SCRIB: variants seen among roughly 807,000 people sequenced by gnomAD.
SCRIB encodes the protein protein scribble homolog.
In SCRIB, 72 loss-of-function variants were observed where a neutral mutation model predicts 170.0. That is an observed-to-expected ratio of 0.42 (90% CI 0.35 to 0.52). SCRIB has a LOEUF of 0.52. Among genes scored for constraint, SCRIB ranks in the 20% least tolerant of loss-of-function variants. The pLI is 0.02. For missense variants in SCRIB, 2,475 were observed against 2,338.5 expected (o/e 1.06, Z -1.20); for synonymous variants, 1,298 against 1,044.3 (o/e 1.24, Z -4.68).
chr8:143,802,931 G>A (rs1317456339), intron 24 of SCRIB, among the ~76,000 whole-genome samples: 4 of 152,228 alleles, frequency 2.6e-5, no homozygotes, highest in Admixed American at 2.6e-4. Context: ...ATGGCCCAGG[G>A]ATGGGCTGAG....
intron 24 of SCRIB, among the ~76,000 whole-genome samples, chr8:143,801,969 A>C (rs373751702): frequency 3.9e-5 from 6 of 152,360 alleles, no homozygotes; most frequent in East Asian, 3.9e-4. Flanking sequence ...CGCCGGCTGC[A>C]GACATGGCAC....
At chr8:143,812,151 G>A (rs1387044081) in intron 9 of SCRIB, 115 bp downstream of exon 9, 9 of 772,840 alleles carry the variant, frequency 1.2e-5, no homozygotes, top group Admixed American at 1.0e-4. Context: ...CTTCCTGAGT[G>A]GCTCCACGTC....
intron 34 of SCRIB, 47 bp downstream of exon 34, chr8:143,791,829 C>CT (rs782275664): frequency 1.3e-6 from 2 of 1,526,320 alleles, no homozygotes; most frequent in South Asian, 2.4e-5. Context: ...CAGACCCCAC[C>CT]CCCATGCCTC....
chr8:143,810,044 C>T (rs1815634683), intron 13 of SCRIB, among the ~76,000 whole-genome samples: 1 of 152,142 alleles, frequency 6.6e-6, no homozygotes, highest in African/African-American at 2.4e-5. Flanking sequence ...CCCACACACC[C>T]TACCCCAGCC....
chr8:143,812,695 C>T, intron 8 of SCRIB, 122 bp downstream of exon 8: 1 of 1,348,068 alleles, frequency 7.4e-7, no homozygotes, highest in Non-Finnish European at 1.0e-6. Flanking sequence ...GGACAGCTCC[C>T]AGAGCCTGGG....
In SCRIB at chr8:143,805,219, C is replaced by G; in HGVS notation, c.2563G>C (p.Gly855Arg). Reference protein sequence around the residue: ...RLPLLPPESPGPLRQRHVACL... With the variant: ...RLPLLPPESPRPLRQRHVACL... The stretch of plus-strand genomic sequence containing the variant: ...GCCACGTGGCGCTGACGGAGGGGCC[C>G]GGGGCTCTCAGGCGGGAGCAGGGGC... Residue 855 changes from glycine (G) to arginine (R), a missense_variant, in exon 19 of 37, where the codon GGG becomes CGG. Coordinates refer to ENST00000356994, the MANE Select transcript of SCRIB (RefSeq NM_182706.5). 2.6e-6 allele frequency: 4 copies of G among 1,557,256 alleles called. No homozygotes were observed. Among genetic ancestry groups the G allele is most frequent in the Non-Finnish European group, 3.5e-6 (4 of 1,156,540 alleles).
intron 24 of SCRIB, among the ~76,000 whole-genome samples, chr8:143,803,120 C>A (rs1046449851): frequency 3.9e-5 from 6 of 152,182 alleles, no homozygotes; most frequent in Admixed American, 2.0e-4. Flanking sequence ...CCCAAACACA[C>A]GCCCCTCCCA....
intron 1 of SCRIB, 145 bp from the exon 2 acceptor site, chr8:143,814,263 A>C: frequency 1.5e-6 from 1 of 648,466 alleles, no homozygotes; most frequent in South Asian, 1.9e-5. Flanking sequence ...TAACCACGAC[A>C]CCCCATTTGC....
At position 143,796,435 on chromosome 8, in the gene SCRIB, G is replaced by C. The variant is rs56986583; in HGVS notation, c.3604-905C>G. 5.4e-3 allele frequency among the ~76,000 whole-genome samples: 818 copies of C among 152,290 alleles called. 6 individuals are homozygous for C. Among genetic ancestry groups the C allele is most frequent in the African/African-American group, 0.019 (785 of 41,564 alleles). On this transcript the variant is annotated intron_variant, in intron 24 of 36. Coordinates refer to ENST00000356994, the MANE Select transcript of SCRIB (RefSeq NM_182706.5). ...GTTGGTTAAAAACACAGCTGAAATGGTAAGTAAGGGGCAGGCAAAGAGATG... is the reference window on the plus strand; with the variant it reads ...GTTGGTTAAAAACACAGCTGAAATGCTAAGTAAGGGGCAGGCAAAGAGATG...
chr8:143,809,666 G>A lies in SCRIB; in HGVS notation c.1583C>T (p.Ala528Val), dbSNP rs746206775. Residue 528 changes from alanine to valine, a missense_variant, in exon 14 of 37, where the codon GCC becomes GTC. Physicochemically the swap from Ala to Val is moderately conservative, Grantham distance 64. Around this residue, in one of 3 missense-constraint regions of SCRIB, gnomAD observed 1,966 missense variants for 1,742.9 expected, o/e 1.13. Coordinates refer to ENST00000356994, the MANE Select transcript of SCRIB (RefSeq NM_182706.5). The part of the protein sequence containing the change: ...SGLSEDSRPS[A>V]STVSEAEPEG... ...GGGCTCAGCCTCAGAGACTGTGCTG[G>A]CAGATGGGCGAGAGTCTTCACTCAG... The A allele has an allele frequency of 5.0e-6, 8 of 1,611,128 alleles. No individual in the cohort carries two copies. In the East Asian group the frequency reaches 8.9e-5, roughly 18 times the overall value.
At position 143,803,498 on chromosome 8, in the gene SCRIB, T is replaced by C. The variant is rs377463017; in HGVS notation, c.3488A>G (p.Gln1163Arg). 1.9e-5 allele frequency: 31 copies of C among 1,602,354 alleles called. No individual in the cohort carries two copies. Among genetic ancestry groups the C allele is most frequent in the Non-Finnish European group, 2.5e-5 (29 of 1,179,446 alleles). Residue 1163 changes from glutamine (Q) to arginine (R), a missense_variant, in exon 24 of 37, where the codon CAG becomes CGG. Physicochemically the swap from Gln to Arg is conservative, Grantham distance 43. Coordinates refer to ENST00000356994, the MANE Select transcript of SCRIB (RefSeq NM_182706.5). The stretch of plus-strand genomic sequence containing the variant: ...GCCGTGCGTCAGGCCCAGCAGGCTC[T>C]GCTGGTTCACCTCCAACAGCCGCAA... ...VGLRLLEVNQ[Q>R]SLLGLTHGEA...
rs768965059 is a variant in SCRIB, at chr8:143,815,164, T to C, written c.159+50A>G. On this transcript the variant is annotated intron_variant, in intron 1 of 36. Transcript: ENST00000356994. Reference sequence around the variant, plus strand: ...CGGGCAGATTCTGCCGCCGGAGGAATCACGGGCTGGGGGCGCGCCTTTGGG... The same window carrying C: ...CGGGCAGATTCTGCCGCCGGAGGAACCACGGGCTGGGGGCGCGCCTTTGGG... 43 of 1,482,440 alleles carry C rather than the reference T, an allele frequency of 2.9e-5. No individual in the cohort carries two copies. In the Admixed American group the frequency reaches 3.7e-4, roughly 13 times the overall value. The allele number at this position is 1,482,440 out of a possible 1,614,324, so 91.8% of individuals were successfully genotyped here.
Position 143,810,785 on chromosome 8 carries a change from C to T in SCRIB, c.1305G>A (p.Glu435=), listed in dbSNP as rs1197517521. 3.1e-6 allele frequency: 5 copies of T among 1,603,828 alleles called. No homozygotes were observed. The highest frequency in any genetic ancestry group is 1.3e-5 in the African/African-American group (1 of 74,884). Residue 435 remains glutamate (E), a synonymous_variant, in exon 12 of 37, where the codon GAG becomes GAA. Transcript: ENST00000356994. ...EDAGQQGSLS[E]TWSDAPPSRV... ...GGCTCGGCGGGGCATCGCTCCAGGT[C>T]TCCGAGAGGCTCCCCTGCTGCCCAG...
At chr8:143,804,855 C>A in intron 20 of SCRIB, 30 bp from the exon 21 acceptor site, 1 of 1,517,230 alleles carries the variant, frequency 6.6e-7, no homozygotes, top group Non-Finnish European at 8.8e-7. Context: ...TCAGGGAGGC[C>A]CAAGGGCAGA....
At chr8:143,795,630 GC>G in intron 24 of SCRIB, 100 bp from the exon 25 acceptor site, 2 of 1,039,648 alleles carry the variant, frequency 1.9e-6, no homozygotes, top group African/African-American at 1.6e-5. Flanking sequence ...GCAACGGTGA[GC>G]CCAGGAGCCG....
Position 143,815,356 on chromosome 8 carries a change from G to T in SCRIB, c.17C>A (p.Pro6Gln). Residue 6 changes from proline (P) to glutamine (Q), a missense_variant, in exon 1 of 37, where the codon CCG becomes CAG. Pro to Gln is a moderately conservative substitution (Grantham distance 76). Transcript: ENST00000356994. Reference protein sequence around the residue: MLKCIPLWRCNRHVES... With the variant: MLKCIQLWRCNRHVES... ...CACGTGCCGGTTGCAGCGCCACAGC[G>T]GGATGCACTTGAGCATGGTGCGGGT... 6.5e-7 allele frequency: 1 copy of T among 1,535,046 alleles called. No homozygotes were observed. Among genetic ancestry groups the T allele is most frequent in the Non-Finnish European group, 8.8e-7 (1 of 1,140,582 alleles).
At chr8:143,812,432 G>C (rs369189391) in intron 8 of SCRIB, 48 bp from the exon 9 acceptor site, 7 of 1,415,462 alleles carry the variant, frequency 4.9e-6, no homozygotes, top group Non-Finnish European at 7.0e-6. Context: ...GTCCCCAGAC[G>C]TGCCTTACCC....
Position 143,792,038 on chromosome 8 carries a change from G to T in SCRIB, c.4610C>A (p.Ala1537Asp). 1 of 1,575,340 alleles carries T rather than the reference G, an allele frequency of 6.3e-7. No individual in the cohort carries two copies. The change falls in exon 33 of 37, where the codon GCC (alanine) becomes GAC (aspartate). Residue 1537 changes from alanine to aspartate, a missense_variant. Ala to Asp is a moderately radical substitution (Grantham distance 126, BLOSUM62 -2). Around this residue, in one of 3 missense-constraint regions of SCRIB, gnomAD observed 1,966 missense variants for 1,742.9 expected, o/e 1.13. Coordinates refer to ENST00000356994, the MANE Select transcript of SCRIB (RefSeq NM_182706.5). ...RGTRGPLERL[A>D]EAPSPAPTPS... The stretch of plus-strand genomic sequence containing the variant: ...GGTGGGCGCAGGGGAAGGGGCCTCG[G>T]CCAGTCGCTCCAGGGGCCCCCGCGT...
chr8:143,813,237 G>A (rs946119868), intron 6 of SCRIB, 74 bp downstream of exon 6: 18 of 1,598,562 alleles, frequency 1.1e-5, no homozygotes, highest in Middle Eastern at 1.7e-4. Context: ...TGTCGGATCT[G>A]CTCGCTGTCC....
Sources: gnomAD v4.1 joint callset for allele counts (sites outside exome capture counted in the v4.1 genomes callset) on GRCh38, gnomAD v4.1.1 for gene constraint, gnomAD v4.1.1 regional missense constraint, MANE v1.5 for transcripts, NCBI Gene and HGNC (gene_info 2026-07-23, HGNC 2026-07-21) for gene names.